The following PTK2B variants were observed in gnomAD, a reference collection of about 807,000 sequenced individuals.
The protein encoded by PTK2B is protein-tyrosine kinase 2-beta.
In PTK2B, 71 loss-of-function variants were observed where a neutral mutation model predicts 142.9. The observed-to-expected ratio is 0.50, with a 90% CI of 0.41 to 0.61. The LOEUF is 0.61. PTK2B is among the 20% of genes least tolerant of loss of function. The probability of loss-of-function intolerance (pLI) is 0.00; values close to 1 mark genes in which losing one functional copy is unlikely to be tolerated. For synonymous variants in PTK2B, 519 were observed against 503.4 expected (o/e 1.03, Z -0.42); for missense variants, 1,105 against 1,320.4 (o/e 0.84, Z 2.53).
intron 30 of PTK2B, among the ~76,000 whole-genome samples, chr8:27,455,163 A>G (rs1055841624): frequency 6.6e-6 from 1 of 152,066 alleles, no homozygotes; most frequent in Non-Finnish European, 1.5e-5. Flanking sequence ...TGCAAATGTG[A>G]TAAAGTTAAG....
intron 1 of PTK2B, among the ~76,000 whole-genome samples, chr8:27,330,331 A>G (rs1373163948): frequency 6.6e-6 from 1 of 152,178 alleles, no homozygotes; most frequent in Non-Finnish European, 1.5e-5. Flanking sequence ...TCCAGAGGTT[A>G]TAGGTCCTCT....
chr8:27,350,990 A>AAT lies in PTK2B; in HGVS notation c.-38+25359_-38+25360dup, dbSNP rs1161548916. ...GTCTCCGTCTCAAAAAAAAAAAAAAAATATATATATATATATATATATATA... is the reference window on the plus strand; with the variant it reads ...GTCTCCGTCTCAAAAAAAAAAAAAAAATATATATATATATATATATATATATA... On this transcript the variant is annotated intron_variant, in intron 1 of 30. Transcript: ENST00000346049. Among the ~76,000 whole-genome samples, 81 of 12,066 alleles carry AAT rather than the reference A, an allele frequency of 6.7e-3. 5 individuals are homozygous for AAT. Among genetic ancestry groups the AAT allele is most frequent in the Non-Finnish European group, 8.8e-3 (56 of 6,362 alleles). 7.9% of individuals were successfully genotyped at this position (12,066 alleles called of 152,430 possible).
intron 1 of PTK2B, among the ~76,000 whole-genome samples, chr8:27,392,774 C>G (rs1807805375): frequency 6.6e-6 from 1 of 152,186 alleles, no homozygotes; most frequent in Non-Finnish European, 1.5e-5. Context: ...AGATCTGTGT[C>G]TACAGCTCAG....
rs1028071300 is a variant in PTK2B, at chr8:27,431,991, G to A, written c.886-269G>A. On this transcript the variant is annotated intron_variant, in intron 9 of 30. Coordinates refer to ENST00000346049, the MANE Select transcript of PTK2B (RefSeq NM_173176.3). Reference sequence around the variant, plus strand: ...TTAAAACATGTTGAGATTTTTTTGTGCGATTTTTTTTTTTACCTTCATCAA... The same window carrying A: ...TTAAAACATGTTGAGATTTTTTTGTACGATTTTTTTTTTTACCTTCATCAA... 1.1e-4 allele frequency: 41 copies of A among 363,574 alleles called. No individual in the cohort carries two copies. In the South Asian group the frequency reaches 2.2e-3, roughly 19 times the overall value. 22.5% of individuals were successfully genotyped at this position (363,574 alleles called of 1,614,324 possible). A position where few individuals can be genotyped will look rare whatever the true frequency, so the allele number is the denominator to read the frequency against.
At chr8:27,404,431 C>T (rs1402844459) in intron 2 of PTK2B, among the ~76,000 whole-genome samples, 1 of 152,208 alleles carries the variant, frequency 6.6e-6, no homozygotes, top group East Asian at 1.9e-4. Context: ...TGTCCTGAAG[C>T]ATCACCCCAC....
intron 10 of PTK2B, among the ~76,000 whole-genome samples, chr8:27,433,042 G>C (rs1162939095): frequency 6.6e-6 from 1 of 152,190 alleles, no homozygotes; most frequent in Non-Finnish European, 1.5e-5. Flanking sequence ...GGCCAGGCTG[G>C]TCTCAAACTC....
intron 26 of PTK2B, 120 bp downstream of exon 26, chr8:27,451,198 T>A: frequency 8.1e-7 from 1 of 1,232,308 alleles, no homozygotes; most frequent in Non-Finnish European, 1.2e-6. Context: ...CCTCAATGGC[T>A]TTCCATGTTG....
intron 22 of PTK2B, 51 bp from the exon 23 acceptor site, chr8:27,444,155 G>A: frequency 6.5e-7 from 1 of 1,535,612 alleles, no homozygotes. Context: ...GGTGAGTTGT[G>A]TTCACTCAAG....
At chr8:27,441,489 G>T (rs928986392) in intron 21 of PTK2B, among the ~76,000 whole-genome samples, 2 of 152,122 alleles carry the variant, frequency 1.3e-5, no homozygotes, top group Non-Finnish European at 2.9e-5. Context: ...TCAACATGTT[G>T]CCTTGTTTGA....
chr8:27,433,506 G>C lies in PTK2B; in HGVS notation c.1059G>C (p.Arg353=). 6.2e-7 allele frequency: 1 copy of C among 1,614,218 alleles called. No individual in the cohort carries two copies. Among genetic ancestry groups the C allele is most frequent in the Non-Finnish European group, 8.5e-7 (1 of 1,180,008 alleles). ...CTGACCTCATAGACGGCTACTGCCG[G>C]CTGCAGGGTGAGCACCAAGGCTCTC... ...NMADLIDGYC[R]LQGEHQGSLI... Residue 353 remains arginine (R), a synonymous_variant, in exon 11 of 31, where the codon CGG becomes CGC. Transcript: ENST00000346049.
At chr8:27,376,218 C>A (rs1019693339) in intron 1 of PTK2B, among the ~76,000 whole-genome samples, 4 of 152,220 alleles carry the variant, frequency 2.6e-5, no homozygotes, top group Non-Finnish European at 5.9e-5. Flanking sequence ...TCAGGCCAGG[C>A]CAATCTGGGC....
chr8:27,432,005 T>TTA (rs1563281840), intron 9 of PTK2B: 4 of 402,244 alleles, frequency 9.9e-6, no homozygotes, highest in African/African-American at 6.0e-5. Context: ...TTTTTTTTTT[T>TTA]ACCTTCATCA....
chr8:27,414,975 A>C (rs1399454681), intron 2 of PTK2B, among the ~76,000 whole-genome samples: 2 of 152,202 alleles, frequency 1.3e-5, no homozygotes, highest in African/African-American at 4.8e-5. Context: ...GAAAAATAGA[A>C]TGAATTTTGC....
chr8:27,362,101 G>T (rs899253990), intron 1 of PTK2B, among the ~76,000 whole-genome samples: 1 of 152,314 alleles, frequency 6.6e-6, no homozygotes, highest in Non-Finnish European at 1.5e-5. Context: ...TCGCTGACCT[G>T]TCTGGGCAGG....
rs113205468 is a variant in PTK2B, at chr8:27,352,069, C to A, written c.-38+26388C>A. ...ACAGCAGCGGCTCTGCTGTGCCCAT[C>A]ATGGTTGACTCAGGGGACCCACGGC... On this transcript the variant is annotated intron_variant, in intron 1 of 30. Transcript: ENST00000346049. Among the ~76,000 whole-genome samples, 395 of 152,170 alleles carry A rather than the reference C, an allele frequency of 2.6e-3. 8 individuals carry two copies. The East Asian group carries it at 0.045, about 17-fold the overall frequency.
At chr8:27,346,851 G>C (rs1008877755) in intron 1 of PTK2B, among the ~76,000 whole-genome samples, 7 of 152,234 alleles carry the variant, frequency 4.6e-5, no homozygotes, top group South Asian at 4.1e-4. Context: ...GAGCCAAACT[G>C]TCTGAAGCTC....
chr8:27,333,952 CT>C (rs1365910468), intron 1 of PTK2B, among the ~76,000 whole-genome samples: 1 of 152,072 alleles, frequency 6.6e-6, no homozygotes, highest in African/African-American at 2.4e-5. Flanking sequence ...TAAACTCCTC[CT>C]TTTCTCACGC....
At chr8:27,447,919 A>T (rs1436177111) in intron 24 of PTK2B, among the ~76,000 whole-genome samples, 1 of 152,246 alleles carries the variant, frequency 6.6e-6, no homozygotes, top group Non-Finnish European at 1.5e-5. Flanking sequence ...GCTTGCTGTG[A>T]TTGCTGGACG....
chr8:27,425,586 G>A (rs1223388626), intron 5 of PTK2B, among the ~76,000 whole-genome samples: 1 of 151,988 alleles, frequency 6.6e-6, no homozygotes, highest in African/African-American at 2.4e-5. Context: ...CACCAAAGTG[G>A]TGCATTTGTT....
Sources: allele counts gnomAD v4.1 joint callset (sites outside exome capture counted in the v4.1 genomes callset), GRCh38; gene constraint gnomAD v4.1.1; transcripts MANE v1.5; gene names NCBI Gene and HGNC (gene_info 2026-07-23, HGNC 2026-07-21).